Variants in RFTN2 observed in about 807,000 individuals in gnomAD.
RFTN2 encodes raftlin family member 2, also known as raftlin-2.
In RFTN2, 34 loss-of-function variants were observed where a neutral mutation model predicts 52.7. The ratio of observed to expected loss-of-function variants is 0.64; its 90% CI spans 0.49 to 0.86. The LOEUF (loss-of-function observed/expected upper bound fraction) is 0.86, where lower values mean the gene tolerates loss of function less well. RFTN2 is among the 40% of genes least tolerant of loss of function. The probability of loss-of-function intolerance (pLI) is 0.00; values close to 1 mark genes in which losing one functional copy is unlikely to be tolerated. For missense variants in RFTN2, 536 were observed against 600.1 expected, an observed-to-expected ratio of 0.89 and a Z score of 1.12; for synonymous variants, 203 against 217.7, an observed-to-expected ratio of 0.93 and a Z score of 0.59.
chr2:197,586,584 A>G (rs2087602243), intron 8 of RFTN2, among the ~76,000 whole-genome samples: 1 of 152,182 alleles, frequency 6.6e-6, no homozygotes. Flanking sequence ...TGTTCCCCAC[A>G]TGACACTGAC....
chr2:197,646,911 A>AC (rs538155591), intron 1 of RFTN2, among the ~76,000 whole-genome samples: 24,460 of 148,830 alleles, frequency 0.16, 2,344 homozygotes, highest in Middle Eastern at 0.26. Context: ...AAAAAAAAAA[A>AC]AAAAAAAAAC....
At position 197,604,778 on chromosome 2, in the gene RFTN2, T is replaced by TTTA. The variant is rs1559346019; in HGVS notation, c.1155-8710_1155-8709insTAA. 2.6e-3 allele frequency among the ~76,000 whole-genome samples: 395 copies of TTTA among 150,286 alleles called. 2 individuals carry two copies. Among genetic ancestry groups the TTTA allele is most frequent in the Non-Finnish European group, 2.7e-3 (185 of 67,732 alleles). ...TATTTATTTATTTATTTATTTATTT[T>TTTA]GAGACAGAGCCTCACTCTGTTGCCC... On this transcript the variant is annotated intron_variant, in intron 7 of 8. Coordinates refer to ENST00000295049, the MANE Select transcript of RFTN2 (RefSeq NM_144629.3).
At chr2:197,640,582 C>T (rs1251310518) in intron 3 of RFTN2, among the ~76,000 whole-genome samples, 3 of 152,104 alleles carry the variant, frequency 2.0e-5, no homozygotes, top group Non-Finnish European at 4.4e-5. Context: ...AATGCCTCGC[C>T]CTGCTTCGGC....
At chr2:197,623,821 C>T (rs1447944384) in intron 5 of RFTN2, among the ~76,000 whole-genome samples, 11 of 152,276 alleles carry the variant, frequency 7.2e-5, no homozygotes, top group Admixed American at 5.2e-4. Flanking sequence ...CGTGTCACTA[C>T]GTCTGGCTAA....
intron 7 of RFTN2, among the ~76,000 whole-genome samples, chr2:197,614,516 C>T (rs1191723217): frequency 6.6e-6 from 1 of 152,208 alleles, no homozygotes; most frequent in Non-Finnish European, 1.5e-5. Flanking sequence ...GGACACTGAG[C>T]TGGTTAACAC....
chr2:197,633,648 A>T, intron 4 of RFTN2, 70 bp downstream of exon 4: 3 of 1,252,672 alleles, frequency 2.4e-6, no homozygotes, highest in East Asian at 2.3e-5. Flanking sequence ...TCATATTTCT[A>T]AAAAAAACCT....
intron 5 of RFTN2, among the ~76,000 whole-genome samples, chr2:197,629,110 A>T (rs181542385): frequency 4.9e-3 from 752 of 152,338 alleles, no homozygotes; most frequent in Non-Finnish European, 8.9e-3. Context: ...TACCCAAAGG[A>T]TTATAAATCA....
At chr2:197,621,933 C>A (rs925062979) in intron 5 of RFTN2, among the ~76,000 whole-genome samples, 1 of 152,068 alleles carries the variant, frequency 6.6e-6, no homozygotes, top group African/African-American at 2.4e-5. Flanking sequence ...GGGAAAAGTT[C>A]TTGAAGGAAA....
At chr2:197,596,107 AG>A in intron 7 of RFTN2, 38 bp from the exon 8 acceptor site, 1 of 1,267,648 alleles carries the variant, frequency 7.9e-7, no homozygotes, top group Non-Finnish European at 1.1e-6. Flanking sequence ...TTTGTGAGTT[AG>A]TAATTCTCTA....
intron 8 of RFTN2, among the ~76,000 whole-genome samples, chr2:197,591,105 C>G (rs1023551108): frequency 1.3e-5 from 2 of 152,208 alleles, no homozygotes; most frequent in Non-Finnish European, 2.9e-5. Context: ...GGTGAGTTTA[C>G]AATCCCTGAG....
At chr2:197,641,439 A>T (rs927412995) in intron 3 of RFTN2, among the ~76,000 whole-genome samples, 10 of 152,228 alleles carry the variant, frequency 6.6e-5, no homozygotes, top group African/African-American at 2.4e-4. Flanking sequence ...GATATGGCAT[A>T]TTCTGCAGGT....
At chr2:197,603,422 A>G (rs1411292918) in intron 7 of RFTN2, among the ~76,000 whole-genome samples, 2 of 152,226 alleles carry the variant, frequency 1.3e-5, no homozygotes, top group East Asian at 3.8e-4. Context: ...ATGCATAACA[A>G]ATAAAGGACT....
chr2:197,585,133 GCTTAAACTCA>G (rs964775428), intron 8 of RFTN2, among the ~76,000 whole-genome samples: 1 of 152,082 alleles, frequency 6.6e-6, no homozygotes, highest in Admixed American at 6.6e-5. Flanking sequence ...CTCCTACTTC[GCTTAAACTCA>G]CTTGCATTTC....
intron 8 of RFTN2, among the ~76,000 whole-genome samples, chr2:197,585,908 G>A (rs904742688): frequency 2.0e-5 from 3 of 151,828 alleles, no homozygotes; most frequent in Admixed American, 6.6e-5. Context: ...CACATATTCG[G>A]ACCCCTCACA....
At chr2:197,589,679 C>T (rs1282940016) in intron 8 of RFTN2, among the ~76,000 whole-genome samples, 1 of 152,084 alleles carries the variant, frequency 6.6e-6, no homozygotes, top group Non-Finnish European at 1.5e-5. Context: ...GTGTTCCAGT[C>T]TTTTAATTAT....
At chr2:197,666,559 T>A (rs1559369254) in intron 1 of RFTN2, among the ~76,000 whole-genome samples, 1 of 152,234 alleles carries the variant, frequency 6.6e-6, no homozygotes, top group South Asian at 2.1e-4. Context: ...CTCTTGCTGT[T>A]TTTAGAATTC....
chr2:197,578,497 T>C (rs891832965), intron 8 of RFTN2, among the ~76,000 whole-genome samples: 15 of 152,016 alleles, frequency 9.9e-5, no homozygotes, highest in African/African-American at 3.4e-4. Flanking sequence ...AAATGGCCAT[T>C]TCCTGCCTTA....
chr2:197,672,083 A>G (rs1446111938), intron 1 of RFTN2, among the ~76,000 whole-genome samples: 2 of 152,220 alleles, frequency 1.3e-5, no homozygotes, highest in African/African-American at 2.4e-5. Context: ...GGAATAATGA[A>G]TTGTTACTTT....
At chr2:197,605,448 C>T (rs948384330) in intron 7 of RFTN2, among the ~76,000 whole-genome samples, 3 of 152,022 alleles carry the variant, frequency 2.0e-5, no homozygotes, top group Admixed American at 2.0e-4. Flanking sequence ...ATCTCCTGAC[C>T]TCATGATCCG....
Sources: allele counts gnomAD v4.1 joint callset (sites outside exome capture counted in the v4.1 genomes callset), GRCh38; gene constraint gnomAD v4.1.1; transcripts MANE v1.5; gene names NCBI Gene and HGNC (gene_info 2026-07-23, HGNC 2026-07-21).